The following NUP133 variants were observed in gnomAD, a reference collection of about 807,000 sequenced individuals.
The protein encoded by NUP133 is nucleoporin 133, also known as nuclear pore complex protein Nup133.
Under a neutral mutation model 146.2 loss-of-function variants are expected in NUP133, and 66 were observed. That is an observed-to-expected ratio of 0.45 (90% CI 0.37 to 0.55). The LOEUF (loss-of-function observed/expected upper bound fraction) is 0.55, where lower values mean the gene tolerates loss of function less well. Ranked by LOEUF, NUP133 falls within the 20% of genes least tolerant of loss-of-function variation. The probability of loss-of-function intolerance (pLI) is 0.00; values close to 1 mark genes in which losing one functional copy is unlikely to be tolerated. For synonymous variants in NUP133, 521 were observed against 498.8 expected (o/e 1.04, Z -0.59); for missense variants, 1,277 against 1,374.8 (o/e 0.93, Z 1.12).
intron 14 of NUP133, among the ~76,000 whole-genome samples, chr1:229,473,704 C>G (rs549354437): frequency 2.0e-5 from 3 of 152,268 alleles, no homozygotes; most frequent in African/African-American, 7.2e-5. Context: ...CAGGCGATCA[C>G]TTGAGCTTAA....
chr1:229,459,179 G>T (rs550884806), intron 20 of NUP133, among the ~76,000 whole-genome samples: 1 of 151,948 alleles, frequency 6.6e-6, no homozygotes, highest in South Asian at 2.1e-4. Context: ...ATTCTAAAAT[G>T]TACAATACAC....
chr1:229,501,305 G>A (rs939727412), intron 3 of NUP133, among the ~76,000 whole-genome samples: 3 of 152,112 alleles, frequency 2.0e-5, no homozygotes, highest in Admixed American at 6.6e-5. Flanking sequence ...TCAGGATCCC[G>A]CAGCTAACTC....
chr1:229,467,858 G>A (rs1235385092), intron 15 of NUP133, among the ~76,000 whole-genome samples: 7 of 151,242 alleles, frequency 4.6e-5, no homozygotes, highest in Non-Finnish European at 1.0e-4. Context: ...CAAGGAGGCC[G>A]AGGCTGCGGT....
chr1:229,506,854 A>G (rs905328284), intron 1 of NUP133, among the ~76,000 whole-genome samples: 42 of 150,358 alleles, frequency 2.8e-4, no homozygotes, highest in Non-Finnish European at 3.5e-4. Flanking sequence ...TCAGATCTGT[A>G]CAACCAAGCA....
At chr1:229,499,106 C>A (rs372285320) in intron 5 of NUP133, 1 of 453,104 alleles carries the variant, frequency 2.2e-6, no homozygotes, top group Non-Finnish European at 4.5e-6. Context: ...TGTTTTATGG[C>A]GCAGGCTAGT....
At chr1:229,461,149 T>G (rs1296969700) in intron 19 of NUP133, among the ~76,000 whole-genome samples, 1 of 152,198 alleles carries the variant, frequency 6.6e-6, no homozygotes, top group Non-Finnish European at 1.5e-5. Flanking sequence ...TGGCTCCCAT[T>G]TGGACAGCGC....
chr1:229,470,325 T>C (rs1268663973), intron 15 of NUP133, among the ~76,000 whole-genome samples: 3 of 148,104 alleles, frequency 2.0e-5, no homozygotes, highest in Non-Finnish European at 3.0e-5. Flanking sequence ...GCAAAGCAAA[T>C]AGGTACTTGG....
At chr1:229,457,405 T>C (rs1429221038) in intron 21 of NUP133, among the ~76,000 whole-genome samples, 1 of 152,188 alleles carries the variant, frequency 6.6e-6, no homozygotes, top group African/African-American at 2.4e-5. Flanking sequence ...TGCTGACAAC[T>C]GGTTCTAGGA....
chr1:229,507,122 A>T (rs1203957373), intron 1 of NUP133, among the ~76,000 whole-genome samples: 1 of 152,230 alleles, frequency 6.6e-6, no homozygotes. Flanking sequence ...ATAAAACAAC[A>T]CACAGTAAAT....
chr1:229,477,635 G>A lies in NUP133; in HGVS notation c.1718C>T (p.Pro573Leu), dbSNP rs1358874238. 6.2e-7 allele frequency: 1 copy of A among 1,613,738 alleles called. No individual in the cohort carries two copies. Residue 573 changes from proline (P) to leucine (L), a missense_variant, in exon 13 of 26, where the codon CCA becomes CTA. Coordinates refer to ENST00000261396, the MANE Select transcript of NUP133 (RefSeq NM_018230.3). Reference sequence around the variant, plus strand: ...CTCAGCCCACCGTGGGTCAGATGCTGGGTAGTCATCCATCAGGTCTACACT... The same window carrying A: ...CTCAGCCCACCGTGGGTCAGATGCTAGGTAGTCATCCATCAGGTCTACACT... ...QISVDLMDDY[P>L]ASDPRWAESV...
intron 16 of NUP133, 97 bp downstream of exon 16, chr1:229,466,537 C>T (rs7555749): frequency 2.3e-6 from 3 of 1,313,452 alleles, no homozygotes; most frequent in East Asian, 2.3e-5. Flanking sequence ...CAACCTTATA[C>T]ATTATCGGCA....
chr1:229,504,870 C>T (rs12042841), intron 2 of NUP133, among the ~76,000 whole-genome samples: 33,148 of 152,122 alleles, frequency 0.22, 3,825 homozygotes, highest in Middle Eastern at 0.27. Context: ...AAATCTCATA[C>T]TGTCCTGCCT....
chr1:229,441,808 A>C lies in NUP133; in HGVS notation c.*96T>G. 1 of 994,502 alleles carries C rather than the reference A, an allele frequency of 1.0e-6. No homozygotes were observed. The highest frequency in any genetic ancestry group is 2.7e-5 in the Admixed American group (1 of 36,624). The allele number at this position is 994,502 out of a possible 1,614,324, so 61.6% of individuals were successfully genotyped here. A position where few individuals can be genotyped will look rare whatever the true frequency, so the allele number is the denominator to read the frequency against. On this transcript the variant is annotated 3_prime_UTR_variant, in exon 26 of 26. Coordinates refer to ENST00000261396, the MANE Select transcript of NUP133 (RefSeq NM_018230.3). ...GTATAAAAACTCAGCTATACATGTTATGAAATTGTACAAACTTACACTTGT... is the reference window on the plus strand; with the variant it reads ...GTATAAAAACTCAGCTATACATGTTCTGAAATTGTACAAACTTACACTTGT...
chr1:229,463,327 G>A (rs1245666803), intron 19 of NUP133, among the ~76,000 whole-genome samples: 1 of 152,138 alleles, frequency 6.6e-6, no homozygotes, highest in African/African-American at 2.4e-5. Flanking sequence ...AGAAGTGATT[G>A]GACCCAGGAG....
intron 20 of NUP133, among the ~76,000 whole-genome samples, chr1:229,460,285 T>A (rs1347125526): frequency 6.6e-6 from 1 of 152,176 alleles, no homozygotes; most frequent in Admixed American, 6.6e-5. Flanking sequence ...AGCCTCAACC[T>A]CCAGAGCTCA....
chr1:229,461,181 A>C (rs1477093214), intron 19 of NUP133, among the ~76,000 whole-genome samples: 1 of 152,200 alleles, frequency 6.6e-6, no homozygotes, highest in Non-Finnish European at 1.5e-5. Flanking sequence ...CTCCATTATC[A>C]CAGAAAGCTC....
At chr1:229,484,273 A>G (rs1661292396) in intron 11 of NUP133, 128 bp from the exon 12 acceptor site, 1 of 543,526 alleles carries the variant, frequency 1.8e-6, no homozygotes, top group South Asian at 3.3e-5. Context: ...TATTGTCTGT[A>G]CCAGGGGTGT....
At chr1:229,505,967 A>G in intron 2 of NUP133, 73 bp downstream of exon 2, 1 of 860,386 alleles carries the variant, frequency 1.2e-6, no homozygotes, top group Non-Finnish European at 1.9e-6. Flanking sequence ...AGAAAACATA[A>G]ATTTAATCTC....
chr1:229,450,266 T>A (rs1660419329), intron 23 of NUP133, among the ~76,000 whole-genome samples: 1 of 152,082 alleles, frequency 6.6e-6, no homozygotes, highest in Non-Finnish European at 1.5e-5. Flanking sequence ...CAAAAAAATA[T>A]TTCAGGACTT....
Sources: allele counts gnomAD v4.1 joint callset (sites outside exome capture counted in the v4.1 genomes callset), GRCh38; gene constraint gnomAD v4.1.1; transcripts MANE v1.5; gene names NCBI Gene and HGNC (gene_info 2026-07-23, HGNC 2026-07-21).